Variants in VDAC1 observed in about 807,000 individuals in gnomAD.
VDAC1 encodes non-selective voltage-gated ion channel VDAC1.
In VDAC1, 10 loss-of-function variants were observed where a neutral mutation model predicts 34.7. That is an observed-to-expected ratio of 0.29 (90% CI 0.18 to 0.49). The LOEUF (loss-of-function observed/expected upper bound fraction) is 0.49. Ranked by LOEUF, VDAC1 falls within the 20% of genes least tolerant of loss-of-function variation. The pLI is 0.99. For missense variants in VDAC1, 230 were observed against 347.9 expected (o/e 0.66, Z 2.69); for synonymous variants, 130 against 136.0 (o/e 0.96, Z 0.30).
At chr5:134,020,087 T>C in the VDAC1 span, among the ~76,000 whole-genome samples, 28 of 152,014 alleles carry the variant, frequency 1.8e-4, no homozygotes, top group African/African-American at 6.5e-4. Flanking sequence ...AGAGACTGTG[T>C]GGGGAGGGGT....
chr5:134,046,153 G>A, the VDAC1 span, among the ~76,000 whole-genome samples: 1 of 151,554 alleles, frequency 6.6e-6, no homozygotes, highest in Non-Finnish European at 1.5e-5. Flanking sequence ...AGTCTCCCAA[G>A]CAGCTGGGAC....
At chr5:134,097,834 C>T in the VDAC1 span, among the ~76,000 whole-genome samples, 1 of 152,112 alleles carries the variant, frequency 6.6e-6, no homozygotes, top group African/African-American at 2.4e-5. Context: ...CAGTACAAGT[C>T]TTGCCAACAC....
the VDAC1 span, among the ~76,000 whole-genome samples, chr5:134,108,004 C>T: frequency 6.6e-6 from 1 of 152,136 alleles, no homozygotes; most frequent in African/African-American, 2.4e-5. Context: ...AGCAGAGGGA[C>T]AGGAGACTCA....
chr5:134,065,867 C>T, the VDAC1 span, among the ~76,000 whole-genome samples: 5 of 137,346 alleles, frequency 3.6e-5, no homozygotes, highest in Admixed American at 2.4e-4. Context: ...CATCTTGGCT[C>T]ACTGCAACCT....
chr5:134,055,588 G>GTTTTTTTTTTTTTTT, the VDAC1 span, among the ~76,000 whole-genome samples: 7 of 59,616 alleles, frequency 1.2e-4, no homozygotes, highest in Admixed American at 4.5e-4. Flanking sequence ...CCCCGCTAAT[G>GTTTTTTTTTTTTTTT]TTTTTTTTTT....
chr5:134,037,826 A>C, the VDAC1 span, among the ~76,000 whole-genome samples: 34 of 152,252 alleles, frequency 2.2e-4, no homozygotes, highest in Middle Eastern at 3.4e-3. Flanking sequence ...AAAAGCCCCC[A>C]AAAACAACAA....
the VDAC1 span, among the ~76,000 whole-genome samples, chr5:134,013,986 C>T: frequency 6.7e-6 from 1 of 150,360 alleles, no homozygotes; most frequent in South Asian, 2.1e-4. Context: ...CATGAACAGG[C>T]ACTTCTCAAA....
At chr5:134,047,935 C>CTT in the VDAC1 span, among the ~76,000 whole-genome samples, 3 of 143,662 alleles carry the variant, frequency 2.1e-5, no homozygotes, top group Non-Finnish European at 4.6e-5. Flanking sequence ...TCATTTTTCT[C>CTT]TTTTTTTTTT....
the VDAC1 span, among the ~76,000 whole-genome samples, chr5:134,050,196 C>A: frequency 3.9e-5 from 6 of 152,054 alleles, no homozygotes; most frequent in Non-Finnish European, 4.4e-5. Flanking sequence ...TTGCAGTGAG[C>A]CGAGATCACG....
the VDAC1 span, among the ~76,000 whole-genome samples, chr5:134,100,815 G>A: frequency 6.6e-6 from 1 of 152,240 alleles, no homozygotes; most frequent in East Asian, 1.9e-4. Flanking sequence ...CTTCAGCCAG[G>A]CCCCTTGACT....
At chr5:133,986,871 C>T (rs1752926916) in intron 5 of VDAC1, among the ~76,000 whole-genome samples, 1 of 152,152 alleles carries the variant, frequency 6.6e-6, no homozygotes, top group Non-Finnish European at 1.5e-5. Flanking sequence ...AGTGTATTCT[C>T]CCAAAGCCCA....
chr5:134,060,559 T>C, the VDAC1 span, among the ~76,000 whole-genome samples: 12 of 151,938 alleles, frequency 7.9e-5, no homozygotes, highest in Admixed American at 6.6e-4. Context: ...GTACAGAAAA[T>C]AATATGATAG....
chr5:134,025,827 C>T, the VDAC1 span, among the ~76,000 whole-genome samples: 2 of 152,094 alleles, frequency 1.3e-5, no homozygotes, highest in Non-Finnish European at 2.9e-5. Context: ...AACTCCTGGC[C>T]TCAAGCGATC....
At chr5:133,991,316 G>A (rs74899195) in intron 3 of VDAC1, among the ~76,000 whole-genome samples, 162 bp from the exon 4 acceptor site, 189 of 152,342 alleles carry the variant, frequency 1.2e-3, no homozygotes, top group African/African-American at 4.3e-3. Context: ...GTACAGATGG[G>A]AGTAAAGGAG....
the VDAC1 span, among the ~76,000 whole-genome samples, chr5:134,109,272 TA>T: frequency 2.6e-5 from 4 of 152,202 alleles, no homozygotes; most frequent in Non-Finnish European, 5.9e-5. Context: ...TCTTTCTCAA[TA>T]AGACATTCCT....
At chr5:134,084,277 G>C in the VDAC1 span, among the ~76,000 whole-genome samples, 1 of 152,168 alleles carries the variant, frequency 6.6e-6, no homozygotes, top group East Asian at 1.9e-4. Flanking sequence ...GAGTCTACTG[G>C]AGTATTGATT....
intron 5 of VDAC1, among the ~76,000 whole-genome samples, chr5:133,985,632 C>T (rs1022145544): frequency 2.6e-5 from 4 of 152,090 alleles, no homozygotes; most frequent in South Asian, 2.1e-4. Flanking sequence ...CCAGCCTGAG[C>T]GACAGAGCAA....
At chr5:134,061,827 T>C in the VDAC1 span, among the ~76,000 whole-genome samples, 480 of 151,952 alleles carry the variant, frequency 3.2e-3, 8 homozygotes, top group African/African-American at 0.011. Flanking sequence ...TGGTAGCAGG[T>C]AGATTTTCCT....
chr5:134,113,733 G>A, the VDAC1 span, among the ~76,000 whole-genome samples: 44 of 152,366 alleles, frequency 2.9e-4, no homozygotes, highest in Non-Finnish European at 5.9e-4. Context: ...ATACAGATGC[G>A]CTGGAATCCA....
Sources: allele counts gnomAD v4.1 joint callset (sites outside exome capture counted in the v4.1 genomes callset), GRCh38; gene constraint gnomAD v4.1.1; transcripts MANE v1.5; gene names NCBI Gene and HGNC (gene_info 2026-07-23, HGNC 2026-07-21).